The following MEGF6 variants were observed in gnomAD, a reference collection of about 807,000 sequenced individuals.
MEGF6 encodes multiple epidermal growth factor-like domains protein 6.
Under a neutral mutation model 207.1 loss-of-function variants are expected in MEGF6, and 184 were observed. The observed-to-expected ratio is 0.89, with a 90% CI of 0.79 to 1.00. The LOEUF (loss-of-function observed/expected upper bound fraction) is 1.00, where lower values mean the gene tolerates loss of function less well. MEGF6 is among the 50% of genes least tolerant of loss of function. The probability of loss-of-function intolerance (pLI) is 0.00; values close to 1 mark genes in which losing one functional copy is unlikely to be tolerated. For synonymous variants in MEGF6, 1,038 were observed against 910.0 expected (o/e 1.14, Z -2.53); for missense variants, 2,282 against 2,202.9 (o/e 1.04, Z -0.72).
chr1:3,491,385 C>T (rs925300286), intron 35 of MEGF6, among the ~76,000 whole-genome samples: 2 of 152,138 alleles, frequency 1.3e-5, no homozygotes, highest in Non-Finnish European at 2.9e-5. Flanking sequence ...TGCAGTACCA[C>T]AGATGACCAC....
At chr1:3,518,464 C>T (rs1641623948) in intron 5 of MEGF6, among the ~76,000 whole-genome samples, 1 of 152,176 alleles carries the variant, frequency 6.6e-6, no homozygotes, top group African/African-American at 2.4e-5. Flanking sequence ...GTCTGAGCTG[C>T]CTTGGTCTCT....
rs1640228783 is a variant in MEGF6 at position 3,488,503 on chromosome 1, TTCTTTC to T, written c.*2019_*2024del. Among the ~76,000 whole-genome samples the T allele has an allele frequency of 6.6e-6, 1 of 152,358 alleles. No individual in the cohort carries two copies. Among genetic ancestry groups the T allele is most frequent in the South Asian group, 2.1e-4 (1 of 4,828 alleles). ...GAATATCTCAGAGCACCCTCCTGGCTTCTTTCTCTTCTGGCTGGAGAACGTCTCTAA... is the reference window on the plus strand; with the variant it reads ...GAATATCTCAGAGCACCCTCCTGGCTTCTTCTGGCTGGAGAACGTCTCTAA... On this transcript the variant is annotated 3_prime_UTR_variant, in exon 37 of 37. Coordinates refer to ENST00000356575, the MANE Select transcript of MEGF6 (RefSeq NM_001409.4).
chr1:3,505,630 G>A (rs1641087315), intron 15 of MEGF6, 74 bp from the exon 16 acceptor site: 12 of 1,460,406 alleles, frequency 8.2e-6, no homozygotes, highest in Admixed American at 4.8e-5. Context: ...ACCAGCCCTG[G>A]GTCAGCCAGG....
upstream of MEGF6, among the ~76,000 whole-genome samples, chr1:3,615,756 A>C (rs1644373031): frequency 6.6e-6 from 1 of 151,204 alleles, no homozygotes. Context: ...TCCACCCCCC[A>C]CCCTATCCAG....
intron 17 of MEGF6, among the ~76,000 whole-genome samples, chr1:3,504,173 C>T (rs561278476): frequency 1.1e-4 from 16 of 152,232 alleles, no homozygotes; most frequent in African/African-American, 3.4e-4. Context: ...CCGGGCTTCT[C>T]GCTCTCTCCA....
At chr1:3,590,435 C>T (rs1328144870) in intron 3 of MEGF6, among the ~76,000 whole-genome samples, 1 of 152,224 alleles carries the variant, frequency 6.6e-6, no homozygotes, top group Non-Finnish European at 1.5e-5. Flanking sequence ...CCCCACTGCA[C>T]CCGGGCCACA....
intron 1 of MEGF6, among the ~76,000 whole-genome samples, chr1:3,605,551 C>A (rs1644234786): frequency 3.9e-5 from 1 of 25,930 alleles, no homozygotes; most frequent in African/African-American, 6.0e-5. Flanking sequence ...CACATATTCT[C>A]ATACACTCAT....
intron 4 of MEGF6, among the ~76,000 whole-genome samples, chr1:3,524,813 T>C (rs948187383): frequency 2.0e-5 from 3 of 152,196 alleles, no homozygotes; most frequent in Admixed American, 2.0e-4. Flanking sequence ...GAGATGAGAT[T>C]GTTCCGGATG....
intron 7 of MEGF6, among the ~76,000 whole-genome samples, chr1:3,512,705 A>G (rs1411103124): frequency 6.6e-6 from 1 of 152,190 alleles, no homozygotes; most frequent in Non-Finnish European, 1.5e-5. Context: ...GCCTCCCGCC[A>G]TGATTGTGAG....
At chr1:3,599,193 C>T (rs921055282) in intron 2 of MEGF6, among the ~76,000 whole-genome samples, 9 of 152,210 alleles carry the variant, frequency 5.9e-5, no homozygotes, top group Non-Finnish European at 1.0e-4. Flanking sequence ...TAATCCTCAC[C>T]GCTGCTGTGA....
chr1:3,611,630 C>T (rs1383128641), upstream of MEGF6: 4 of 174,470 alleles, frequency 2.3e-5, no homozygotes, highest in South Asian at 3.8e-4. Flanking sequence ...TTCCCCCTCC[C>T]CATCTCCTAC....
At position 3,505,332 on chromosome 1, in the gene MEGF6, C is replaced by T. The variant is rs1272008318; in HGVS notation, c.2064G>A (p.Leu688=). ...GCCAGCACCCCGGCCCAAAGTAGCCCAGCTCACACTCTGCAGGGCGTGAGA... is the reference window on the plus strand; with the variant it reads ...GCCAGCACCCCGGCCCAAAGTAGCCTAGCTCACACTCTGCAGGGCGTGAGA... The part of the protein sequence containing the change: ...RGERCQAECE[L]GYFGPGCWQA... Residue 688 remains leucine (L), a synonymous_variant, in exon 17 of 37, where the codon CTG becomes CTA. Transcript: ENST00000356575. 1.2e-6 allele frequency: 2 copies of T among 1,611,306 alleles called. No individual in the cohort carries two copies. The highest frequency in any genetic ancestry group is 8.5e-7 in the Non-Finnish European group (1 of 1,179,304).
At chr1:3,587,536 G>A (rs1219252116) in intron 3 of MEGF6, among the ~76,000 whole-genome samples, 2 of 152,228 alleles carry the variant, frequency 1.3e-5, no homozygotes, top group Non-Finnish European at 2.9e-5. Flanking sequence ...ACGGGCGTGT[G>A]GAGCGGCGGG....
At chr1:3,607,088 G>C (rs535648958) in intron 1 of MEGF6, among the ~76,000 whole-genome samples, 5 of 151,928 alleles carry the variant, frequency 3.3e-5, no homozygotes, top group Non-Finnish European at 5.9e-5. Flanking sequence ...ACACGGCCGG[G>C]GTTAGGGGTA....
At chr1:3,496,044 G>A in intron 29 of MEGF6, 26 bp from the exon 30 acceptor site, 1 of 1,492,292 alleles carries the variant, frequency 6.7e-7, no homozygotes, top group Non-Finnish European at 8.9e-7. Flanking sequence ...TGGTGATCGT[G>A]GCTGGCTTCC....
chr1:3,592,512 C>A (rs1643996047), intron 3 of MEGF6, among the ~76,000 whole-genome samples: 1 of 152,316 alleles, frequency 6.6e-6, no homozygotes, highest in East Asian at 1.9e-4. Flanking sequence ...CAGCCATGAG[C>A]TCCACATGGG....
At chr1:3,510,223 G>A (rs983785493) in intron 10 of MEGF6, among the ~76,000 whole-genome samples, 5 of 152,158 alleles carry the variant, frequency 3.3e-5, no homozygotes, top group African/African-American at 1.2e-4. Flanking sequence ...GGGCCAGGCT[G>A]GGAGGGGCCG....
chr1:3,580,575 C>A (rs893213574), intron 3 of MEGF6, among the ~76,000 whole-genome samples: 1 of 152,000 alleles, frequency 6.6e-6, no homozygotes, highest in Admixed American at 6.5e-5. Context: ...AGAGGGGCGC[C>A]TTGTGGCTTG....
At chr1:3,494,987 G>A (rs1415867719) in intron 30 of MEGF6, among the ~76,000 whole-genome samples, 2 of 152,354 alleles carry the variant, frequency 1.3e-5, no homozygotes, top group African/African-American at 4.8e-5. Flanking sequence ...GTCATGAAGG[G>A]GCTGGGTGAG....
Sources: gnomAD v4.1 joint callset for allele counts (sites outside exome capture counted in the v4.1 genomes callset) on GRCh38, gnomAD v4.1.1 for gene constraint, MANE v1.5 for transcripts, NCBI Gene and HGNC (gene_info 2026-07-23, HGNC 2026-07-21) for gene names.